The following NRP2 variants were observed in gnomAD, a reference collection of about 807,000 sequenced individuals.
NRP2 encodes neuropilin-2.
Under a neutral mutation model 110.4 loss-of-function variants are expected in NRP2, and 52 were observed. The ratio of observed to expected loss-of-function variants is 0.47; its 90% confidence interval spans 0.38 to 0.59. The LOEUF (loss-of-function observed/expected upper bound fraction) is 0.59, where lower values mean the gene tolerates loss of function less well. Among genes scored for constraint, NRP2 ranks in the 20% least tolerant of loss-of-function variants. NRP2 has a pLI of 0.00. For missense variants in NRP2, 1,049 were observed against 1,203.0 expected (o/e 0.87, Z 1.89); for synonymous variants, 508 against 468.9 (o/e 1.08, Z -1.08).
In NRP2 at chr2:205,745,772, C is replaced by T; in HGVS notation, c.1668C>T (p.Asp556=). The T allele has an allele frequency of 6.2e-7, 1 of 1,614,232 alleles. No homozygotes were observed. The highest frequency in any genetic ancestry group is 8.5e-7 in the Non-Finnish European group (1 of 1,180,030). Residue 556 remains aspartate (D), a synonymous_variant, in exon 10 of 17, where the codon GAC becomes GAT. Coordinates refer to ENST00000357785, the MANE Select transcript of NRP2 (RefSeq NM_003872.3). The part of the protein sequence containing the change: ...PKLFEGNMHY[D]TPDIRRFDPI... Reference sequence around the variant, plus strand: ...TGTTCGAAGGGAACATGCACTATGACACCCCTGACATCCGAAGGTTTGACC... The same window carrying T: ...TGTTCGAAGGGAACATGCACTATGATACCCCTGACATCCGAAGGTTTGACC...
chr2:205,740,650 C>G lies in NRP2; in HGVS notation c.1278C>G (p.Gly426=), dbSNP rs1559339616. ...SGIALRLELF[G]CRVTDAPCSN... ...TCGCCCTCCGGCTGGAGCTCTTCGG[C>G]TGCCGGGTCACAGGTGAGGTGGGGG... Residue 426 remains glycine, a synonymous_variant, in exon 8 of 17, where the codon GGC becomes GGG. Coordinates refer to ENST00000357785, the MANE Select transcript of NRP2 (RefSeq NM_003872.3). 3 of 1,614,160 alleles carry G rather than the reference C, an allele frequency of 1.9e-6. No individual in the cohort carries two copies. The highest frequency in any genetic ancestry group is 2.5e-6 in the Non-Finnish European group (3 of 1,180,010).
chr2:205,744,009 G>A (rs1263380140), intron 9 of NRP2, among the ~76,000 whole-genome samples: 1 of 152,184 alleles, frequency 6.6e-6, no homozygotes, highest in Non-Finnish European at 1.5e-5. Flanking sequence ...CTCTCAAAGT[G>A]CTGGGATTAT....
intron 6 of NRP2, among the ~76,000 whole-genome samples, chr2:205,726,975 T>C (rs2057139968): frequency 6.6e-6 from 1 of 152,198 alleles, no homozygotes; most frequent in Non-Finnish European, 1.5e-5. Context: ...TCTCCAAAAA[T>C]CCATCTCCTC....
intron 12 of NRP2, among the ~76,000 whole-genome samples, chr2:205,753,424 C>T (rs965000735): frequency 1.3e-5 from 2 of 152,198 alleles, no homozygotes; most frequent in Non-Finnish European, 1.5e-5. Flanking sequence ...GAGGGTGCCA[C>T]TGCTTCTACA....
At position 205,682,921 on chromosome 2, in the gene NRP2, AATT is replaced by A; in HGVS notation, c.-358_-356del. 1 of 227,482 alleles carries A rather than the reference AATT, an allele frequency of 4.4e-6. No individual in the cohort carries two copies. The highest frequency in any genetic ancestry group is 8.8e-6 in the Non-Finnish European group (1 of 113,974). 14.1% of individuals were successfully genotyped at this position (227,482 alleles called of 1,614,324 possible). On this transcript the variant is annotated 5_prime_UTR_variant, in exon 1 of 17. Coordinates refer to ENST00000357785, the MANE Select transcript of NRP2 (RefSeq NM_003872.3). This position sits in a 1 kb window ranked among gnomAD's most constrained non-coding sequence, Gnocchi z 4.3. ...GATGCCCAAGGCAAGTCTTGGTTTT[AATT>A]ATTATTATTATCATTATTGTTACGC...
At chr2:205,719,329 C>T (rs769952536) in intron 3 of NRP2, among the ~76,000 whole-genome samples, 4 of 152,058 alleles carry the variant, frequency 2.6e-5, no homozygotes, top group Non-Finnish European at 5.9e-5. Context: ...ATGTGGCTGG[C>T]GTGGAAGGTT....
At chr2:205,793,377 C>T (rs760304874) in intron 16 of NRP2, among the ~76,000 whole-genome samples, 2 of 152,144 alleles carry the variant, frequency 1.3e-5, no homozygotes, top group Admixed American at 1.3e-4. Context: ...TAATATCCTG[C>T]CTTCTTCATG....
chr2:205,683,583 T>A (rs927093189), intron 1 of NRP2, among the ~76,000 whole-genome samples: 17 of 150,554 alleles, frequency 1.1e-4, no homozygotes, highest in Non-Finnish European at 2.2e-4. Flanking sequence ...TGTGTGTGTG[T>A]GTGAGTGTGT....
intron 3 of NRP2, among the ~76,000 whole-genome samples, chr2:205,720,896 C>T (rs78269642): frequency 0.011 from 1,692 of 152,316 alleles, 26 homozygotes; most frequent in African/African-American, 0.03. Context: ...CTCTGAGATT[C>T]GCTGCTTAGA....
intron 15 of NRP2, among the ~76,000 whole-genome samples, chr2:205,780,487 G>C (rs572221753): frequency 6.6e-5 from 10 of 152,250 alleles, no homozygotes; most frequent in Non-Finnish European, 1.3e-4. Context: ...GGTTGGGCCA[G>C]GTGGGGGAAA....
intron 16 of NRP2, among the ~76,000 whole-genome samples, chr2:205,793,579 G>C (rs895062162): frequency 6.6e-6 from 1 of 152,124 alleles, no homozygotes; most frequent in African/African-American, 2.4e-5. Flanking sequence ...GACAGGGTTG[G>C]TTCCTTCTGA....
In NRP2 at chr2:205,797,796, C is replaced by G. The variant is rs759333944; in HGVS notation, c.*2738C>G. 3.3e-5 allele frequency: 5 copies of G among 152,638 alleles called. No homozygotes were observed. The highest frequency in any genetic ancestry group is 7.3e-5 in the Non-Finnish European group (5 of 68,080). The allele number at this position is 152,638 out of a possible 1,614,324, so 9.5% of individuals were successfully genotyped here. On this transcript the variant is annotated 3_prime_UTR_variant, in exon 17 of 17. Transcript: ENST00000357785. ...TGCCTTGTACTGAATGACACATTAC[C>G]TCCACACTCTCCCGGACTAGGTGGT...
chr2:205,741,520 T>C (rs2057441645), intron 8 of NRP2, among the ~76,000 whole-genome samples: 1 of 151,742 alleles, frequency 6.6e-6, no homozygotes, highest in Admixed American at 6.6e-5. Context: ...AGAGTGGGAG[T>C]TGGGACATTA....
At chr2:205,758,404 C>CTCAGACA (rs2057767622) in intron 12 of NRP2, among the ~76,000 whole-genome samples, 1 of 152,210 alleles carries the variant, frequency 6.6e-6, no homozygotes, top group Non-Finnish European at 1.5e-5. Flanking sequence ...GGTGTAGACA[C>CTCAGACA]AACTGATTCC....
intron 3 of NRP2, 57 bp from the exon 4 acceptor site, chr2:205,722,421 A>T: frequency 7.3e-7 from 1 of 1,371,096 alleles, no homozygotes; most frequent in South Asian, 1.2e-5. Context: ...CCCATGTGAC[A>T]GAGGCCACAA....
chr2:205,712,217 A>G (rs1168187477), intron 2 of NRP2, among the ~76,000 whole-genome samples: 1 of 152,184 alleles, frequency 6.6e-6, no homozygotes, highest in Non-Finnish European at 1.5e-5. Context: ...AAGAACTGGG[A>G]GTAGAGATGG....
In NRP2 at chr2:205,745,846, C is replaced by T. The variant is rs746918239; in HGVS notation, c.1742C>T (p.Ala581Val). 1.2e-5 allele frequency: 19 copies of T among 1,614,020 alleles called. No individual in the cohort carries two copies. The highest frequency in any genetic ancestry group is 3.3e-5 in the South Asian group (3 of 91,088). Residue 581 changes from alanine (A) to valine (V), a missense_variant, in exon 10 of 17, where the codon GCG (alanine) becomes GTG (valine). Ala to Val is a moderately conservative substitution (Grantham distance 64). Transcript: ENST00000357785. ...GTATACCCGGAGAGGTGGTCGCCGG[C>T]GGGGATTGGGATGCGGCTGGAGGTG... is the stretch of plus-strand genomic sequence containing the variant. ...VRVYPERWSP[A>V]GIGMRLEVLG...
intron 2 of NRP2, among the ~76,000 whole-genome samples, chr2:205,712,422 A>G (rs894877298): frequency 1.3e-5 from 2 of 152,172 alleles, no homozygotes. Context: ...AAGTTATCCT[A>G]CTTGACTATC....
intron 4 of NRP2, among the ~76,000 whole-genome samples, chr2:205,723,363 A>T (rs2057059579): frequency 6.6e-6 from 1 of 152,216 alleles, no homozygotes; most frequent in Non-Finnish European, 1.5e-5. Flanking sequence ...GACTAAGCAA[A>T]AAGAGCAATT....
Sources: gnomAD v4.1 joint callset for allele counts (sites outside exome capture counted in the v4.1 genomes callset) on GRCh38, gnomAD v4.1.1 for gene constraint, Gnocchi (gnomAD v3.1) non-coding constraint, MANE v1.5 for transcripts, NCBI Gene and HGNC (gene_info 2026-07-23, HGNC 2026-07-21) for gene names.